The following PRR16 variants were observed in gnomAD, a reference collection of about 807,000 sequenced individuals.
The protein encoded by PRR16 is protein Largen.
Under a neutral mutation model 18.2 loss-of-function variants are expected in PRR16, and 6 were observed. The observed-to-expected ratio is 0.33, with a 90% CI of 0.18 to 0.65. The LOEUF (loss-of-function observed/expected upper bound fraction) is 0.65, where lower values mean the gene tolerates loss of function less well. PRR16 is among the 30% of genes least tolerant of loss of function. The probability of loss-of-function intolerance (pLI) is 0.74; values close to 1 mark genes in which losing one functional copy is unlikely to be tolerated. For synonymous variants in PRR16, 151 were observed against 147.8 expected, an observed-to-expected ratio of 1.02 and a Z score of -0.16; for missense variants, 412 against 376.6, an observed-to-expected ratio of 1.09 and a Z score of -0.78.
intron 1 of PRR16, among the ~76,000 whole-genome samples, chr5:120,537,328 T>G (rs1378776792): frequency 6.6e-6 from 1 of 152,216 alleles, no homozygotes; most frequent in Non-Finnish European, 1.5e-5. Flanking sequence ...CTAATATGTT[T>G]GGGCATATAT....
At chr5:120,480,258 T>G (rs1195880553) in intron 1 of PRR16, among the ~76,000 whole-genome samples, 1 of 152,148 alleles carries the variant, frequency 6.6e-6, no homozygotes, top group African/African-American at 2.4e-5. Context: ...TCATAGAGTA[T>G]GCACCAAAAT....
chr5:120,753,240 A>G, the PRR16 span, among the ~76,000 whole-genome samples: 2 of 152,032 alleles, frequency 1.3e-5, no homozygotes, highest in Non-Finnish European at 2.9e-5. Context: ...CGAATAAGAA[A>G]TGGCCTTTGA....
the PRR16 span, among the ~76,000 whole-genome samples, chr5:120,783,443 A>G: frequency 3.9e-5 from 6 of 152,158 alleles, no homozygotes; most frequent in Non-Finnish European, 7.4e-5. Flanking sequence ...AACGTACTAG[A>G]TAGGTAGAAT....
chr5:120,669,418 T>A (rs951001516), intron 1 of PRR16, among the ~76,000 whole-genome samples: 15 of 152,118 alleles, frequency 9.9e-5, no homozygotes, highest in African/African-American at 2.4e-4. Flanking sequence ...TATTGTTTTT[T>A]AAAAAAATCC....
chr5:120,679,475 T>G (rs1292692998), intron 1 of PRR16, among the ~76,000 whole-genome samples: 1 of 152,182 alleles, frequency 6.6e-6, no homozygotes, highest in Non-Finnish European at 1.5e-5. Context: ...AGATGTGCAA[T>G]TATAAGGATA....
At position 120,464,381 on chromosome 5, in the gene PRR16, T is replaced by G; in HGVS notation, c.-106T>G. 1.5e-6 allele frequency: 2 copies of G among 1,308,904 alleles called. No homozygotes were observed. The highest frequency in any genetic ancestry group is 2.0e-6 in the Non-Finnish European group (2 of 983,982). The allele number at this position is 1,308,904 out of a possible 1,614,324, so 81.1% of individuals were successfully genotyped here. The stretch of plus-strand genomic sequence containing the variant: ...GCCGCTGCCCAGGGAGCGCCCAAGA[T>G]GTGGGGGGACCGGGGCGGCAGCGGC... On this transcript the variant is annotated 5_prime_UTR_variant, in exon 1 of 2. It removes an upstream start codon present in the reference 5' UTR. Transcript: ENST00000407149.
chr5:120,617,891 G>C (rs1041912786), intron 1 of PRR16, among the ~76,000 whole-genome samples: 1 of 151,990 alleles, frequency 6.6e-6, no homozygotes, highest in African/African-American at 2.4e-5. Context: ...GCATAGTCAA[G>C]GTCAATAATT....
intron 1 of PRR16, among the ~76,000 whole-genome samples, chr5:120,663,721 T>C (rs1756257779): frequency 1.3e-5 from 2 of 152,286 alleles, no homozygotes; most frequent in Admixed American, 1.3e-4. Flanking sequence ...CTGTAGAGTA[T>C]ATGTATTTTT....
chr5:120,725,314 T>C, the PRR16 span, among the ~76,000 whole-genome samples: 1 of 151,632 alleles, frequency 6.6e-6, no homozygotes, highest in Non-Finnish European at 1.5e-5. Context: ...TTTTTTTTTT[T>C]TTTTTCCATA....
chr5:120,480,821 G>T (rs942896309), intron 1 of PRR16, among the ~76,000 whole-genome samples: 2 of 152,166 alleles, frequency 1.3e-5, no homozygotes, highest in Admixed American at 6.5e-5. Context: ...TATTTACTGA[G>T]CTGAAACAAG....
At chr5:120,645,788 T>C (rs1755571477) in intron 1 of PRR16, among the ~76,000 whole-genome samples, 1 of 151,930 alleles carries the variant, frequency 6.6e-6, no homozygotes, top group East Asian at 1.9e-4. Context: ...ACTCTAGTGA[T>C]CAATTTATCT....
At chr5:120,698,673 A>G in the PRR16 span, among the ~76,000 whole-genome samples, 1 of 152,136 alleles carries the variant, frequency 6.6e-6, no homozygotes, top group Admixed American at 6.5e-5. Context: ...CTATACAGGA[A>G]CTTAAATGGG....
chr5:120,608,573 A>G (rs1580782318), intron 1 of PRR16, among the ~76,000 whole-genome samples: 1 of 152,230 alleles, frequency 6.6e-6, no homozygotes, highest in South Asian at 2.1e-4. Flanking sequence ...AGTTAGAAAA[A>G]AAGGCTAGAG....
At chr5:120,785,719 C>T in the PRR16 span, among the ~76,000 whole-genome samples, 1 of 151,296 alleles carries the variant, frequency 6.6e-6, no homozygotes, top group Non-Finnish European at 1.5e-5. Flanking sequence ...ACTACAGGAC[C>T]TGCTACCATG....
the PRR16 span, among the ~76,000 whole-genome samples, chr5:120,761,898 G>C: frequency 1.3e-5 from 2 of 151,880 alleles, no homozygotes; most frequent in Admixed American, 1.3e-4. Context: ...CCCAGCCTTT[G>C]ATAATTATCA....
intron 1 of PRR16, among the ~76,000 whole-genome samples, chr5:120,612,876 T>G (rs569992670): frequency 1.6e-4 from 24 of 152,342 alleles, no homozygotes; most frequent in Non-Finnish European, 2.5e-4. Context: ...AATTTGAGTA[T>G]TAATGCATGT....
the PRR16 span, among the ~76,000 whole-genome samples, chr5:120,704,727 C>G: frequency 5.3e-5 from 8 of 152,058 alleles, no homozygotes; most frequent in Non-Finnish European, 8.8e-5. Flanking sequence ...TTCAAATGAA[C>G]CAGGTGATTC....
the PRR16 span, among the ~76,000 whole-genome samples, chr5:120,756,720 T>C: frequency 6.6e-6 from 1 of 152,092 alleles, no homozygotes; most frequent in Admixed American, 6.6e-5. Context: ...AGTTTCCAAA[T>C]ATTTTCTCCC....
At chr5:120,749,176 C>T in the PRR16 span, among the ~76,000 whole-genome samples, 1 of 151,944 alleles carries the variant, frequency 6.6e-6, no homozygotes, top group African/African-American at 2.4e-5. Context: ...TCATAGAAAA[C>T]ACTAGAAAAA....
Sources: allele counts gnomAD v4.1 joint callset (sites outside exome capture counted in the v4.1 genomes callset), GRCh38; gene constraint gnomAD v4.1.1; transcripts MANE v1.5; gene names NCBI Gene and HGNC (gene_info 2026-07-23, HGNC 2026-07-21).